REEP2: variants seen among roughly 807,000 people sequenced by gnomAD.
The protein encoded by REEP2 is receptor expression-enhancing protein 2.
In REEP2, 9 loss-of-function variants were observed where a neutral mutation model predicts 32.1. The ratio of observed to expected loss-of-function variants is 0.28; its 90% CI spans 0.17 to 0.49. REEP2 has a LOEUF of 0.49. REEP2 is among the 20% of genes least tolerant of loss of function. The probability of loss-of-function intolerance (pLI) is 0.99; values close to 1 mark genes in which losing one functional copy is unlikely to be tolerated. For missense variants in REEP2, 236 were observed against 338.0 expected, an observed-to-expected ratio of 0.70 and a Z score of 2.37; for synonymous variants, 128 against 139.1, an observed-to-expected ratio of 0.92 and a Z score of 0.56.
chr5:138,445,799 G>T lies in REEP2; in HGVS notation c.*48G>T. The T allele has an allele frequency of 6.4e-7, 1 of 1,572,766 alleles. No homozygotes were observed. Among genetic ancestry groups the T allele is most frequent in the Non-Finnish European group, 8.7e-7 (1 of 1,152,692 alleles). ...CAGAGCAAGGATGAAGCCTCAGGAG[G>T]GGCCTCAGACCCAGCCCCTGCTCCA... On this transcript the variant is annotated 3_prime_UTR_variant, in exon 8 of 8. Transcript: ENST00000378339.
In REEP2 at chr5:138,446,056, C is replaced by A. The variant is rs1371441366; in HGVS notation, c.*305C>A. The A allele has an allele frequency of 7.2e-6, 3 of 417,768 alleles. No homozygotes were observed. Among genetic ancestry groups the A allele is most frequent in the Non-Finnish European group, 1.3e-5 (3 of 232,214 alleles). 25.9% of individuals were successfully genotyped at this position (417,768 alleles called of 1,614,324 possible). A position where few individuals can be genotyped will look rare whatever the true frequency, so the allele number is the denominator to read the frequency against. On this transcript the variant is annotated 3_prime_UTR_variant, in exon 8 of 8. Coordinates refer to ENST00000378339, the MANE Select transcript of REEP2 (RefSeq NM_001271803.2). ...CTGCAGCCCCGCCCTGCCCCACCCA[C>A]CCAGTGCCTTGCTGAAGCCCATAGC...
rs376577382 is a variant in REEP2, at chr5:138,445,299, C to G, written c.489C>G (p.Asp163Glu). The G allele has an allele frequency of 6.2e-7, 1 of 1,613,606 alleles. No homozygotes were observed. Among genetic ancestry groups the G allele is most frequent in the South Asian group, 1.1e-5 (1 of 91,070 alleles). ...ACCTGACCCTGATCCGGGACGAGGA[C>G]GCACTGCCCCTGCAGAGGCCTGACG... ...MQDLTLIRDE[D>E]ALPLQRPDGR... Residue 163 changes from aspartate (D) to glutamate (E), a missense_variant, in exon 6 of 8, where the codon GAC becomes GAG. Coordinates refer to ENST00000378339, the MANE Select transcript of REEP2 (RefSeq NM_001271803.2).
chr5:138,444,092 C>G (rs943847865), intron 3 of REEP2, among the ~76,000 whole-genome samples: 44 of 151,822 alleles, frequency 2.9e-4, no homozygotes, highest in African/African-American at 1.0e-3. Flanking sequence ...TCAAGAGTTT[C>G]CCTTGGTGTT....
rs1411604036 is a variant in REEP2, at chr5:138,441,108, C to T, written c.105+20C>T. The T allele has an allele frequency of 6.2e-7, 1 of 1,613,542 alleles. No individual in the cohort carries two copies. Among genetic ancestry groups the T allele is most frequent in the Non-Finnish European group, 8.5e-7 (1 of 1,179,920 alleles). ...GAATATGTGAGTGGATGACCCTTCA[C>T]CCCCTACCCAACCCACATGGCACAG... is the stretch of plus-strand genomic sequence containing the variant. On this transcript the variant is annotated intron_variant, in intron 2 of 7. Transcript: ENST00000378339. The surrounding 1 kb of genome is among the most constrained non-coding windows in gnomAD (Gnocchi z 4.4).
intron 5 of REEP2, 22 bp from the exon 6 acceptor site, chr5:138,445,206 C>T (rs377190786): frequency 9.2e-5 from 144 of 1,565,746 alleles, no homozygotes; most frequent in Non-Finnish European, 1.1e-4. Context: ...CCGGCTCTCC[C>T]GGTGCGTGGT....
At chr5:138,443,407 C>T (rs1196247135) in intron 3 of REEP2, among the ~76,000 whole-genome samples, 1 of 146,752 alleles carries the variant, frequency 6.8e-6, no homozygotes, top group Non-Finnish European at 1.5e-5. Flanking sequence ...TTGCAGTGAG[C>T]CAAGATTGTG....
chr5:138,442,644 A>C (rs1207270546), intron 3 of REEP2, among the ~76,000 whole-genome samples: 2 of 152,054 alleles, frequency 1.3e-5, no homozygotes, highest in Admixed American at 6.6e-5. Context: ...TCATGAAGTC[A>C]GGAGATGGAG....
At chr5:138,439,500 C>G (rs899513101) in intron 1 of REEP2, among the ~76,000 whole-genome samples, 2 of 152,200 alleles carry the variant, frequency 1.3e-5, no homozygotes, top group African/African-American at 4.8e-5. Flanking sequence ...GTCCTTGCTC[C>G]TGCGCCCATC....
chr5:138,445,193 C>T (rs1329365235), intron 5 of REEP2, 35 bp from the exon 6 acceptor site: 11 of 1,549,590 alleles, frequency 7.1e-6, no homozygotes, highest in African/African-American at 1.4e-5. Context: ...CCGCCCCTTC[C>T]CCCCGGCTCT....
At chr5:138,444,321 G>C in intron 3 of REEP2, 94 bp from the exon 4 acceptor site, 1 of 1,456,714 alleles carries the variant, frequency 6.9e-7, no homozygotes. Flanking sequence ...AGAGTGAGGG[G>C]CTGTGCAGGG....
At chr5:138,439,289 G>T in intron 1 of REEP2, 49 bp downstream of exon 1, 2 of 1,425,492 alleles carry the variant, frequency 1.4e-6, no homozygotes, top group Non-Finnish European at 9.2e-7. Context: ...TGGAGGGCGG[G>T]GGTGTTAAAG....
intron 3 of REEP2, among the ~76,000 whole-genome samples, chr5:138,442,537 C>A (rs1403678021): frequency 6.6e-6 from 1 of 151,772 alleles, no homozygotes; most frequent in Non-Finnish European, 1.5e-5. Context: ...ACGGTGAAAC[C>A]CCGTCTCTAC....
rs747560715 is a variant in REEP2, at chr5:138,441,067, G to A, written c.84G>A (p.Lys28=). 1 of 1,613,800 alleles carries A rather than the reference G, an allele frequency of 6.2e-7. No individual in the cohort carries two copies. Among genetic ancestry groups the A allele is most frequent in the Non-Finnish European group, 8.5e-7 (1 of 1,179,984 alleles). The change falls in exon 2 of 8, where the codon AAG becomes AAA. Residue 28 remains lysine, a synonymous_variant. Coordinates refer to ENST00000378339, the MANE Select transcript of REEP2 (RefSeq NM_001271803.2). The surrounding 1 kb of genome is among the most constrained non-coding windows in gnomAD (Gnocchi z 4.4). ...CCTATTCTTCCTACAAGGCCGTGAAGACAAAAAACGTGAAGGAATATGTGA... is the reference window on the plus strand; with the variant it reads ...CCTATTCTTCCTACAAGGCCGTGAAAACAAAAAACGTGAAGGAATATGTGA... ...YPAYSSYKAV[K]TKNVKEYVKW...
chr5:138,445,019 C>T (rs563350671), intron 5 of REEP2, 152 bp downstream of exon 5: 29 of 765,698 alleles, frequency 3.8e-5, no homozygotes, highest in East Asian at 5.4e-5. Context: ...GCTATCTGGC[C>T]GAGTCACTTT....
intron 5 of REEP2, 68 bp from the exon 6 acceptor site, chr5:138,445,160 C>A: frequency 6.7e-7 from 1 of 1,499,870 alleles, no homozygotes; most frequent in Non-Finnish European, 8.9e-7. Context: ...GCTGCCAGCA[C>A]CATGGTGACC....
chr5:138,445,746 G>C lies in REEP2; in HGVS notation c.760G>C (p.Ala254Pro). Reference sequence around the variant, plus strand: ...GAAGACCTCTGGCGGGGGCGACTCAGCTTGAGCCCCTCCACCCCCGCAGGC... The same window carrying C: ...GAAGACCTCTGGCGGGGGCGACTCACCTTGAGCCCCTCCACCCCCGCAGGC... ...KKKTSGGGDS[A>P] Residue 254 changes from alanine (A) to proline (P), a missense_variant, in exon 8 of 8, where the codon GCT becomes CCT. Ala to Pro is a conservative substitution (Grantham distance 27, BLOSUM62 -1). Transcript: ENST00000378339. 1 of 1,613,864 alleles carries C rather than the reference G, an allele frequency of 6.2e-7. No individual in the cohort carries two copies. Among genetic ancestry groups the C allele is most frequent in the Non-Finnish European group, 8.5e-7 (1 of 1,179,936 alleles).
Position 138,444,491 on chromosome 5 carries a change from C to G in REEP2, c.259C>G (p.Leu87Val). Residue 87 changes from leucine (L) to valine (V), a missense_variant, in exon 4 of 8, where the codon CTC becomes GTC. Coordinates refer to ENST00000378339, the MANE Select transcript of REEP2 (RefSeq NM_001271803.2). Reference sequence around the variant, plus strand: ...CCCTTACACCAAGGGCTCCAGCGTGCTCTACCGCAAGTTCGTGCACCCAAC... The same window carrying G: ...CCCTTACACCAAGGGCTCCAGCGTGGTCTACCGCAAGTTCGTGCACCCAAC... ...LSPYTKGSSV[L>V]YRKFVHPTLS... 1 of 1,614,136 alleles carries G rather than the reference C, an allele frequency of 6.2e-7. No homozygotes were observed. The highest frequency in any genetic ancestry group is 8.5e-7 in the Non-Finnish European group (1 of 1,180,004).
At chr5:138,439,269 C>T (rs745532367) in intron 1 of REEP2, 29 bp downstream of exon 1, 29 of 1,419,380 alleles carry the variant, frequency 2.0e-5, no homozygotes, top group East Asian at 8.1e-5. Context: ...GGGGGTGATG[C>T]GGGCTGTGAT....
Position 138,445,772 on chromosome 5 carries a change from T to A in REEP2, c.*21T>A. 1 of 1,610,042 alleles carries A rather than the reference T, an allele frequency of 6.2e-7. No homozygotes were observed. On this transcript the variant is annotated 3_prime_UTR_variant, in exon 8 of 8. Coordinates refer to ENST00000378339, the MANE Select transcript of REEP2 (RefSeq NM_001271803.2). Reference sequence around the variant, plus strand: ...CTTGAGCCCCTCCACCCCCGCAGGCTGCAGAGCAAGGATGAAGCCTCAGGA... The same window carrying A: ...CTTGAGCCCCTCCACCCCCGCAGGCAGCAGAGCAAGGATGAAGCCTCAGGA...
Sources: allele counts gnomAD v4.1 joint callset (sites outside exome capture counted in the v4.1 genomes callset), GRCh38; gene constraint gnomAD v4.1.1; non-coding constraint Gnocchi (gnomAD v3.1); transcripts MANE v1.5; gene names NCBI Gene and HGNC (gene_info 2026-07-23, HGNC 2026-07-21).